Variants in THADA observed in about 807,000 individuals in gnomAD.
THADA encodes the protein tRNA (32-2'-O)-methyltransferase regulator THADA.
A neutral mutation model predicts 219.8 loss-of-function variants in THADA; 213 were observed. That is an observed-to-expected ratio of 0.97 (90% CI 0.87 to 1.09). The LOEUF is 1.09. Ranked by LOEUF, THADA falls within the 50% of genes least tolerant of loss-of-function variation. The probability of loss-of-function intolerance (pLI) is 0.00; values close to 1 mark genes in which losing one functional copy is unlikely to be tolerated. For missense variants in THADA, 2,956 were observed against 2,311.3 expected (o/e 1.28, Z -5.72); for synonymous variants, 1,018 against 828.9 (o/e 1.23, Z -3.92).
intron 16 of THADA, 50 bp downstream of exon 16, chr2:43,560,184 T>A (rs377246190): frequency 6.6e-7 from 1 of 1,514,654 alleles, no homozygotes; most frequent in South Asian, 1.3e-5. Flanking sequence ...TATCTGCTGA[T>A]AGAAAGTTTC....
intron 29 of THADA, among the ~76,000 whole-genome samples, chr2:43,352,689 A>G (rs1421198923): frequency 6.6e-6 from 1 of 152,016 alleles, no homozygotes; most frequent in Non-Finnish European, 1.5e-5. Context: ...GGGAGAGAGA[A>G]AGAGAAAGAG....
At chr2:43,232,345 AT>A (rs1667539283) in intron 37 of THADA, among the ~76,000 whole-genome samples, 1 of 151,878 alleles carries the variant, frequency 6.6e-6, no homozygotes, top group African/African-American at 2.4e-5. Flanking sequence ...TGCCCGGCTA[AT>A]TTTTTGTATT....
At chr2:43,420,030 A>G (rs1193975014) in intron 28 of THADA, among the ~76,000 whole-genome samples, 4 of 152,250 alleles carry the variant, frequency 2.6e-5, no homozygotes, top group Non-Finnish European at 4.4e-5. Context: ...TATGAATCAT[A>G]AAACTCTCCA....
chr2:43,420,186 C>T (rs1307721173), intron 28 of THADA, among the ~76,000 whole-genome samples: 3 of 152,316 alleles, frequency 2.0e-5, no homozygotes, highest in Admixed American at 6.5e-5. Flanking sequence ...GAAAGCCTCC[C>T]GGACTTCTCC....
rs116955468 is a variant in THADA, at chr2:43,306,413, C to G, written c.4439-13200G>C. 5.9e-5 allele frequency among the ~76,000 whole-genome samples: 9 copies of G among 152,286 alleles called. No individual in the cohort carries two copies. In the East Asian group the frequency reaches 1.5e-3, roughly 26 times the overall value. ...AATTTAAACTCTAACTCACAAAGGA[C>G]CTGGGGCTTCTCTTCCACACTTAGT... On this transcript the variant is annotated intron_variant, in intron 31 of 37. Transcript: ENST00000405975.
intron 15 of THADA, chr2:43,566,382 G>C: frequency 1.6e-6 from 1 of 633,948 alleles, no homozygotes. Flanking sequence ...AAAACTTAAA[G>C]AACAGATTGG....
At chr2:43,460,478 T>G (rs1006266534) in intron 26 of THADA, among the ~76,000 whole-genome samples, 2 of 152,110 alleles carry the variant, frequency 1.3e-5, no homozygotes, top group African/African-American at 4.8e-5. Context: ...AAAATAAACC[T>G]GGTACAAAGG....
At position 43,549,829 on chromosome 2, in the gene THADA, T is replaced by C. The variant is rs140420938; in HGVS notation, c.2948-461A>G. Among the ~76,000 whole-genome samples, 964 of 151,746 alleles carry C rather than the reference T, an allele frequency of 6.4e-3. 7 individuals carry two copies. Among genetic ancestry groups the C allele is most frequent in the Non-Finnish European group, 0.011 (730 of 67,886 alleles). On this transcript the variant is annotated intron_variant, in intron 19 of 37. Coordinates refer to ENST00000405975, the MANE Select transcript of THADA (RefSeq NM_022065.5). ...ATAAATAAATATAAAAAATAGAAAA[T>C]AGATTATTTCCCCATCATAATACAA...
chr2:43,448,192 G>C (rs144860189), intron 26 of THADA, among the ~76,000 whole-genome samples: 1,735 of 152,320 alleles, frequency 0.011, 33 homozygotes, highest in Non-Finnish European at 0.013. Context: ...AACTGCACTG[G>C]CAGAATGGGT....
chr2:43,514,497 T>G (rs1033661343), intron 22 of THADA, among the ~76,000 whole-genome samples: 5 of 111,086 alleles, frequency 4.5e-5, no homozygotes, highest in African/African-American at 1.5e-4. Flanking sequence ...ACATAATATA[T>G]ACGTATATTT....
chr2:43,440,179 T>C (rs1472104001), intron 26 of THADA, among the ~76,000 whole-genome samples: 1 of 152,204 alleles, frequency 6.6e-6, no homozygotes, highest in Admixed American at 6.5e-5. Context: ...TGTAGTTTTT[T>C]TCCTTACAAA....
Position 43,566,718 on chromosome 2 carries a change from T to C in THADA, c.2291A>G (p.Glu764Gly), listed in dbSNP as rs1698731819. The C allele has an allele frequency of 6.9e-6, 11 of 1,604,840 alleles. No homozygotes were observed. The highest frequency in any genetic ancestry group is 1.7e-4 in the Middle Eastern group (1 of 6,006). ...CTTACCTTCTGGGACATGAAAAACTTCAGCTATTGAACCTAAAATGGTTAA... is the reference window on the plus strand; with the variant it reads ...CTTACCTTCTGGGACATGAAAAACTCCAGCTATTGAACCTAAAATGGTTAA... ...SALTILGSIA[E>G]VFHVPEGRIY... Residue 764 changes from glutamate (E) to glycine (G), a missense_variant, in exon 15 of 38, where the codon GAA (glutamate) becomes GGA (glycine). Glu to Gly is a moderately conservative substitution (Grantham distance 98). Coordinates refer to ENST00000405975, the MANE Select transcript of THADA (RefSeq NM_022065.5).
chr2:43,397,207 T>C (rs753111940), intron 29 of THADA, among the ~76,000 whole-genome samples: 10 of 152,194 alleles, frequency 6.6e-5, no homozygotes, highest in African/African-American at 2.4e-4. Flanking sequence ...ATAACATGTA[T>C]TGAGATCTCA....
intron 25 of THADA, among the ~76,000 whole-genome samples, chr2:43,498,080 C>T (rs1181337404): frequency 6.6e-6 from 1 of 152,004 alleles, no homozygotes; most frequent in Non-Finnish European, 1.5e-5. Context: ...GCCCCCCACC[C>T]CACACAGTAT....
intron 4 of THADA, among the ~76,000 whole-genome samples, 183 bp downstream of exon 4, chr2:43,590,641 T>C (rs969184123): frequency 1.6e-5 from 2 of 121,972 alleles, no homozygotes; most frequent in Non-Finnish European, 1.6e-5. Flanking sequence ...CTAGACTCCG[T>C]CTCAAAAAAA....
chr2:43,344,652 A>T (rs1030924932), intron 29 of THADA, among the ~76,000 whole-genome samples: 1 of 152,264 alleles, frequency 6.6e-6, no homozygotes, highest in African/African-American at 2.4e-5. Flanking sequence ...GAGAGTCTAA[A>T]CTGGTTTACA....
intron 26 of THADA, among the ~76,000 whole-genome samples, chr2:43,470,056 C>G (rs1222378714): frequency 2.0e-5 from 3 of 151,696 alleles, no homozygotes; most frequent in African/African-American, 7.3e-5. Flanking sequence ...AAAAATAACA[C>G]AAAAATTAGC....
intron 28 of THADA, among the ~76,000 whole-genome samples, chr2:43,423,322 T>C (rs942875841): frequency 6.6e-6 from 1 of 152,230 alleles, no homozygotes; most frequent in Non-Finnish European, 1.5e-5. Context: ...ATTCTTTCCC[T>C]ATCTCCTCAA....
intron 34 of THADA, among the ~76,000 whole-genome samples, chr2:43,288,078 C>T (rs193167683): frequency 6.6e-6 from 1 of 152,198 alleles, no homozygotes; most frequent in Admixed American, 6.5e-5. Context: ...TGGACTGTTT[C>T]TATCTGATTT....
Sources: allele counts gnomAD v4.1 joint callset (sites outside exome capture counted in the v4.1 genomes callset), GRCh38; gene constraint gnomAD v4.1.1; transcripts MANE v1.5; gene names NCBI Gene and HGNC (gene_info 2026-07-23, HGNC 2026-07-21).